Variants in VTI1A observed in about 807,000 individuals in gnomAD.
VTI1A encodes the protein vesicle transport through interaction with t-SNAREs 1A.
VTI1A carries 22 observed loss-of-function variants against 34.9 expected under a neutral mutation model. That is an observed-to-expected ratio of 0.63 (90% CI 0.45 to 0.90). VTI1A has a LOEUF of 0.90. Ranked by LOEUF, VTI1A falls within the 40% of genes least tolerant of loss-of-function variation. VTI1A has a pLI of 0.00. For missense variants in VTI1A, 268 were observed against 275.6 expected (o/e 0.97, Z 0.20); for synonymous variants, 87 against 97.3 (o/e 0.89, Z 0.62).
intron 3 of VTI1A, among the ~76,000 whole-genome samples, chr10:112,491,110 T>C (rs963151927): frequency 6.6e-6 from 1 of 152,150 alleles, no homozygotes; most frequent in Non-Finnish European, 1.5e-5. Context: ...GAACATTCGA[T>C]GTATGGCACC....
chr10:112,786,896 T>G (rs535804963), intron 7 of VTI1A, among the ~76,000 whole-genome samples: 1 of 152,354 alleles, frequency 6.6e-6, no homozygotes, highest in East Asian at 1.9e-4. Context: ...TTGTTTAACT[T>G]TTTTATCCGG....
chr10:112,783,389 CCG>C (rs1363074209), intron 7 of VTI1A, among the ~76,000 whole-genome samples: 1 of 114,278 alleles, frequency 8.8e-6, no homozygotes, highest in Non-Finnish European at 1.7e-5. Context: ...ATGTGCATGC[CCG>C]CGTGCACGTG....
downstream of VTI1A, among the ~76,000 whole-genome samples, chr10:112,822,579 C>T (rs1224907561): frequency 2.0e-5 from 3 of 152,180 alleles, no homozygotes; most frequent in Admixed American, 2.0e-4. Context: ...AGACCTTCCC[C>T]ACACTGCCAC....
intron 3 of VTI1A, among the ~76,000 whole-genome samples, chr10:112,467,252 C>T (rs1847927146): frequency 6.6e-6 from 1 of 151,908 alleles, no homozygotes; most frequent in Admixed American, 6.6e-5. Context: ...GGGCAAAGTC[C>T]TTTAGGTATT....
At chr10:112,629,504 G>T (rs1846053263) in intron 5 of VTI1A, among the ~76,000 whole-genome samples, 1 of 152,170 alleles carries the variant, frequency 6.6e-6, no homozygotes, top group Admixed American at 6.5e-5. Context: ...TTAAAAACAG[G>T]ACCTTTTTTC....
Position 112,628,459 on chromosome 10 carries a change from A to G in VTI1A, c.428-39759A>G, listed in dbSNP as rs74397705. On this transcript the variant is annotated intron_variant, in intron 5 of 7. Transcript: ENST00000393077. ...AACATGTATAATAATCATTTTATGTATAGATAGAGGTAAGATTTATTTAAT... is the reference window on the plus strand; with the variant it reads ...AACATGTATAATAATCATTTTATGTGTAGATAGAGGTAAGATTTATTTAAT... Among the ~76,000 whole-genome samples the G allele has an allele frequency of 7.2e-3, 1,103 of 152,338 alleles. 18 individuals carry two copies. The highest frequency in any genetic ancestry group is 0.025 in the African/African-American group (1,033 of 41,588).
At chr10:112,464,410 T>A (rs1475053783) in intron 2 of VTI1A, 137 bp from the exon 3 acceptor site, 1 of 686,596 alleles carries the variant, frequency 1.5e-6, no homozygotes, top group African/African-American at 1.8e-5. Context: ...TTCAGTGTTA[T>A]TTGATCATTC....
intron 5 of VTI1A, among the ~76,000 whole-genome samples, chr10:112,573,512 T>C (rs1852217608): frequency 6.6e-6 from 1 of 152,088 alleles, no homozygotes; most frequent in Non-Finnish European, 1.5e-5. Flanking sequence ...CCTTAATAGA[T>C]CAAAAAGAAA....
At chr10:112,564,046 T>C (rs2134340376) in intron 5 of VTI1A, among the ~76,000 whole-genome samples, 1 of 152,104 alleles carries the variant, frequency 6.6e-6, no homozygotes, top group Admixed American at 6.5e-5. Context: ...TCTACTAAAA[T>C]GTTGAAAATT....
At chr10:112,808,976 CT>C (rs1372553328) in intron 7 of VTI1A, among the ~76,000 whole-genome samples, 1 of 152,182 alleles carries the variant, frequency 6.6e-6, no homozygotes, top group Non-Finnish European at 1.5e-5. Context: ...TTCCATCTGG[CT>C]TGAGTGGCAG....
At chr10:112,771,190 AT>A (rs1212763896) in intron 7 of VTI1A, among the ~76,000 whole-genome samples, 1 of 152,202 alleles carries the variant, frequency 6.6e-6, no homozygotes, top group Non-Finnish European at 1.5e-5. Flanking sequence ...ACCTTGGAGA[AT>A]TTTCCTCATC....
the VTI1A span, among the ~76,000 whole-genome samples, chr10:112,834,778 C>T: frequency 6.6e-6 from 1 of 152,200 alleles, no homozygotes; most frequent in Non-Finnish European, 1.5e-5. Flanking sequence ...TGCTGAGTGC[C>T]AGGAGACCAG....
intron 5 of VTI1A, among the ~76,000 whole-genome samples, chr10:112,561,447 A>T (rs1564827361): frequency 6.6e-6 from 1 of 152,218 alleles, no homozygotes; most frequent in Non-Finnish European, 1.5e-5. Context: ...AAATGGTTGG[A>T]CTAGGGACAT....
chr10:112,606,207 T>A (rs768268829), intron 5 of VTI1A, among the ~76,000 whole-genome samples: 52 of 152,036 alleles, frequency 3.4e-4, no homozygotes, highest in Non-Finnish European at 6.0e-4. Flanking sequence ...GTATTTTTAG[T>A]AGAGATGGGG....
intron 7 of VTI1A, among the ~76,000 whole-genome samples, chr10:112,686,878 A>T (rs1429853492): frequency 6.6e-6 from 1 of 152,104 alleles, no homozygotes; most frequent in Admixed American, 6.5e-5. Context: ...TATAGACAGG[A>T]TTGAACTCCA....
At chr10:112,603,333 G>A (rs1844950195) in intron 5 of VTI1A, among the ~76,000 whole-genome samples, 1 of 152,184 alleles carries the variant, frequency 6.6e-6, no homozygotes, top group African/African-American at 2.4e-5. Flanking sequence ...GAAGTCTTTT[G>A]ATCCTGAGGG....
chr10:112,737,676 C>G, intron 7 of VTI1A: 1 of 1,055,166 alleles, frequency 9.5e-7, no homozygotes, highest in Non-Finnish European at 1.1e-6. Flanking sequence ...GCACTCCATC[C>G]ATGTGCGGAT....
At position 112,460,567 on chromosome 10, in the gene VTI1A, A is replaced by G; in HGVS notation, c.138A>G (p.Glu46=). The change falls in exon 2 of 8, where the codon GAA becomes GAG. Residue 46 remains glutamate (E), a synonymous_variant. Transcript: ENST00000393077. The part of the protein sequence containing the change: ...QMVANVEKQL[E]EAKELLEQMD... The stretch of plus-strand genomic sequence containing the variant: ...TTGCAAATGTGGAGAAACAGCTTGA[A>G]GAAGCGAAAGAACTGGTATGTACAG... The G allele has an allele frequency of 1.2e-6, 2 of 1,609,394 alleles. No homozygotes were observed. The highest frequency in any genetic ancestry group is 1.1e-5 in the South Asian group (1 of 89,820).
rs187572752 is a variant in VTI1A, at chr10:112,473,255, C to T, written c.264+8598C>T. On this transcript the variant is annotated intron_variant, in intron 3 of 7. Transcript: ENST00000393077. ...TCCCGAGTAGCTAGGACTACCGGAG[C>T]GCGCCACCATGTCCAGCTAATTTTT... 6.9e-3 allele frequency among the ~76,000 whole-genome samples: 1,052 copies of T among 151,886 alleles called. 14 individuals are homozygous for T. The highest frequency in any genetic ancestry group is 0.025 in the African/African-American group (1,022 of 41,434).
Sources: allele counts gnomAD v4.1 joint callset (sites outside exome capture counted in the v4.1 genomes callset), GRCh38; gene constraint gnomAD v4.1.1; transcripts MANE v1.5; gene names NCBI Gene and HGNC (gene_info 2026-07-23, HGNC 2026-07-21).